FAM120B: variants seen among roughly 807,000 people sequenced by gnomAD.
The protein encoded by FAM120B is constitutive coactivator of peroxisome proliferator-activated receptor gamma.
In FAM120B, 83 loss-of-function variants were observed where a neutral mutation model predicts 96.3. The observed-to-expected ratio is 0.86, with a 90% CI of 0.72 to 1.03. The LOEUF (loss-of-function observed/expected upper bound fraction) is 1.03. FAM120B is among the 50% of genes least tolerant of loss of function. The pLI, the probability that FAM120B is intolerant of heterozygous loss-of-function variation, is 0.00. For missense variants in FAM120B, 1,027 were observed against 1,121.2 expected, an observed-to-expected ratio of 0.92 and a Z score of 1.20; for synonymous variants, 407 against 402.7, an observed-to-expected ratio of 1.01 and a Z score of -0.13.
At chr6:170,334,852 G>C (rs1236106709) in intron 4 of FAM120B, among the ~76,000 whole-genome samples, 2 of 152,116 alleles carry the variant, frequency 1.3e-5, no homozygotes, top group Non-Finnish European at 2.9e-5. Flanking sequence ...GTGTAATGAT[G>C]TAATTTTTGC....
chr6:170,384,694 C>T (rs1056478618), intron 6 of FAM120B, among the ~76,000 whole-genome samples: 8 of 152,206 alleles, frequency 5.3e-5, no homozygotes, highest in Non-Finnish European at 1.2e-4. Context: ...CACAGTGGGA[C>T]GTGTGAGCAC....
rs1301217315 is a variant in FAM120B, at chr6:170,318,539, T to C, written c.1149T>C (p.Pro383=). 15 of 1,471,726 alleles carry C rather than the reference T, an allele frequency of 1.0e-5. No individual in the cohort carries two copies. Among genetic ancestry groups the C allele is most frequent in the Middle Eastern group, 1.8e-4 (1 of 5,524 alleles). 91.2% of individuals were successfully genotyped at this position (1,471,726 alleles called of 1,614,324 possible). A position where few individuals can be genotyped will look rare whatever the true frequency, so the allele number is the denominator to read the frequency against. Residue 383 remains proline (P), a synonymous_variant, in exon 2 of 11, where the codon CCT becomes CCC. Coordinates refer to ENST00000476287, the MANE Select transcript of FAM120B (RefSeq NM_032448.3). The part of the protein sequence containing the change: ...PRQEVPMCSD[P]EPRQEVPTCT... ...AAGAAGTTCCCATGTGTTCAGACCC[T>C]GAACCCAGGCAAGAAGTTCCCACGT...
intron 6 of FAM120B, among the ~76,000 whole-genome samples, chr6:170,361,234 A>G (rs1459349154): frequency 2.0e-5 from 2 of 97,732 alleles, no homozygotes; most frequent in African/African-American, 6.5e-5. Flanking sequence ...ATATATATAT[A>G]TACACGTATA....
chr6:170,318,648 G>A lies in FAM120B; in HGVS notation c.1258G>A (p.Glu420Lys), dbSNP rs755933946. The change falls in exon 2 of 11, where the codon GAA (glutamate) becomes AAA (lysine). Residue 420 changes from glutamate to lysine, a missense_variant. Transcript: ENST00000476287. Reference protein sequence around the residue: ...RQEVPMCTGPEARQEVPMYTD... With the variant: ...RQEVPMCTGPKARQEVPMYTD... ...AGAAGTTCCCATGTGTACAGGCCCT[G>A]AAGCCAGGCAAGAAGTTCCCATGTA... 6 of 1,590,006 alleles carry A rather than the reference G, an allele frequency of 3.8e-6. No individual in the cohort carries two copies. The East Asian group carries it at 9.7e-5, about 26-fold the overall frequency.
chr6:170,331,239 G>T (rs562153862), intron 4 of FAM120B, among the ~76,000 whole-genome samples: 31 of 152,292 alleles, frequency 2.0e-4, no homozygotes, highest in African/African-American at 7.2e-4. Flanking sequence ...AGGAGGCTAA[G>T]CTTCAGAGTT....
intron 5 of FAM120B, 130 bp downstream of exon 5, chr6:170,348,453 G>A: frequency 2.7e-6 from 2 of 732,252 alleles, no homozygotes; most frequent in Non-Finnish European, 2.2e-6. Flanking sequence ...AACATTATTA[G>A]TCCTTTGAAG....
rs1243831275 is a variant in FAM120B at position 170,345,198 on chromosome 6, G to A, written c.2018-2953G>A. ...TCCTTTCAATCCCAGAATAAGTTTTGTTTATAAGTGTCCTTTATCCAGCAA... is the reference window on the plus strand; with the variant it reads ...TCCTTTCAATCCCAGAATAAGTTTTATTTATAAGTGTCCTTTATCCAGCAA... On this transcript the variant is annotated intron_variant, in intron 4 of 10. Transcript: ENST00000476287. Among the ~76,000 whole-genome samples, 5 of 152,130 alleles carry A rather than the reference G, an allele frequency of 3.3e-5. No homozygotes were observed. The East Asian group carries it at 9.6e-4, about 29-fold the overall frequency.
chr6:170,315,044 G>C (rs1050993605), intron 1 of FAM120B, among the ~76,000 whole-genome samples: 3 of 152,248 alleles, frequency 2.0e-5, no homozygotes, highest in Non-Finnish European at 2.9e-5. Context: ...GGCCTGGCTT[G>C]CAGTCAGGTT....
At chr6:170,379,234 C>T (rs1789763319) in intron 6 of FAM120B, among the ~76,000 whole-genome samples, 1 of 152,192 alleles carries the variant, frequency 6.6e-6, no homozygotes, top group African/African-American at 2.4e-5. Flanking sequence ...TTATCATTTC[C>T]TTTATGATAT....
chr6:170,370,400 G>C lies in FAM120B; in HGVS notation c.2283+12082G>C, dbSNP rs1281858497. ...CTGAGGGTCCATCACCCTTCCTCTG[G>C]GGGGTGAGGCAGAGGACCCTGTTTC... On this transcript the variant is annotated intron_variant, in intron 6 of 10. Transcript: ENST00000476287. This position sits in a 1 kb window ranked among gnomAD's most constrained non-coding sequence, Gnocchi z 4.3. Among the ~76,000 whole-genome samples, 1 of 152,182 alleles carries C rather than the reference G, an allele frequency of 6.6e-6. No homozygotes were observed. Among genetic ancestry groups the C allele is most frequent in the Admixed American group, 6.5e-5 (1 of 15,290 alleles).
chr6:170,329,850 G>T lies in FAM120B; in HGVS notation c.1916-599G>T, dbSNP rs1484415205. On this transcript the variant is annotated intron_variant, in intron 3 of 10. Transcript: ENST00000476287. ...TCTTCATCAAGGCCTGCTTCCCCCAGCCCTGGACCAAGCCCACTGCCTCTT... is the reference window on the plus strand; with the variant it reads ...TCTTCATCAAGGCCTGCTTCCCCCATCCCTGGACCAAGCCCACTGCCTCTT... Among the ~76,000 whole-genome samples the T allele has an allele frequency of 3.3e-5, 5 of 152,070 alleles. No homozygotes were observed. In the East Asian group the frequency reaches 9.7e-4, roughly 29 times the overall value.
rs1460081802 is a variant in FAM120B, at chr6:170,404,629, G to T, written c.*11+28G>T. The T allele has an allele frequency of 2.6e-6, 4 of 1,532,280 alleles. No homozygotes were observed. The South Asian group carries it at 4.5e-5, about 17-fold the overall frequency. The allele number at this position is 1,532,280 out of a possible 1,614,324, so 94.9% of individuals were successfully genotyped here. The stretch of plus-strand genomic sequence containing the variant: ...AAGTTCATCACCTGCATCTCCAGAA[G>T]AAATCAGTCACATGTCTGTCTTAAT... On this transcript the variant is annotated intron_variant, in intron 10 of 10. Coordinates refer to ENST00000476287, the MANE Select transcript of FAM120B (RefSeq NM_032448.3).
chr6:170,295,535 C>G lies in FAM120B; in HGVS notation c.48+82C>G. The G allele has an allele frequency of 1.6e-6, 1 of 635,484 alleles. No homozygotes were observed. Among genetic ancestry groups the G allele is most frequent in the South Asian group, 1.8e-5 (1 of 56,066 alleles). 39.4% of individuals were successfully genotyped at this position (635,484 alleles called of 1,614,324 possible). A position where few individuals can be genotyped will look rare whatever the true frequency, so the allele number is the denominator to read the frequency against. On this transcript the variant is annotated intron_variant, in intron 1 of 10. Transcript: ENST00000537664. This position sits in a 1 kb window ranked among gnomAD's most constrained non-coding sequence, Gnocchi z 7.8. Reference sequence around the variant, plus strand: ...CAGCGGGCAGGAGCGCGACCCCCGGCGCGGGCAGCTCTGCGCGAAGGTGGG... The same window carrying G: ...CAGCGGGCAGGAGCGCGACCCCCGGGGCGGGCAGCTCTGCGCGAAGGTGGG...
At chr6:170,399,541 A>G (rs905838944) in intron 9 of FAM120B, among the ~76,000 whole-genome samples, 26 of 149,294 alleles carry the variant, frequency 1.7e-4, no homozygotes, top group Admixed American at 1.5e-3. Context: ...GAACTATGTC[A>G]TAACCCTTAG....
At chr6:170,349,700 A>G (rs1284122066) in intron 5 of FAM120B, among the ~76,000 whole-genome samples, 3 of 152,224 alleles carry the variant, frequency 2.0e-5, no homozygotes, top group Non-Finnish European at 2.9e-5. Context: ...ATGTAGATGT[A>G]AAAAGAGAGG....
At chr6:170,375,908 A>G (rs1789482816) in intron 6 of FAM120B, among the ~76,000 whole-genome samples, 1 of 152,172 alleles carries the variant, frequency 6.6e-6, no homozygotes, top group African/African-American at 2.4e-5. Flanking sequence ...GAACAAGGGA[A>G]GGAGCGGGAC....
intron 1 of FAM120B, among the ~76,000 whole-genome samples, chr6:170,316,944 T>C (rs1246217857): frequency 6.6e-6 from 1 of 152,256 alleles, no homozygotes; most frequent in Non-Finnish European, 1.5e-5. Flanking sequence ...TTTGTCTGAC[T>C]TCTTTTACTC....
chr6:170,406,154 T>C lies in FAM120B; in HGVS notation c.*1403T>C, dbSNP rs1778795151. ...GCCAGGGTATTGATGATGGAAAAGA[T>C]TCAAATGAGGAGTTAGAAGGCAAGC... is the stretch of plus-strand genomic sequence containing the variant. On this transcript the variant is annotated 3_prime_UTR_variant, in exon 11 of 11. Coordinates refer to ENST00000476287, the MANE Select transcript of FAM120B (RefSeq NM_032448.3). 1 of 152,198 alleles carries C rather than the reference T, an allele frequency of 6.6e-6. No homozygotes were observed. The highest frequency in any genetic ancestry group is 6.5e-5 in the Admixed American group (1 of 15,268). The allele number at this position is 152,198 out of a possible 1,614,324, so 9.4% of individuals were successfully genotyped here. A position where few individuals can be genotyped will look rare whatever the true frequency, so the allele number is the denominator to read the frequency against.
upstream of FAM120B, among the ~76,000 whole-genome samples, chr6:170,301,805 T>G (rs549793347): frequency 9.2e-5 from 14 of 152,362 alleles, no homozygotes; most frequent in African/African-American, 3.4e-4. Flanking sequence ...CATCTCAGCC[T>G]GGACTTCATT....
Sources: gnomAD v4.1 joint callset for allele counts (sites outside exome capture counted in the v4.1 genomes callset) on GRCh38, gnomAD v4.1.1 for gene constraint, Gnocchi (gnomAD v3.1) non-coding constraint, MANE v1.5 for transcripts, NCBI Gene and HGNC (gene_info 2026-07-23, HGNC 2026-07-21) for gene names.